The following NRG1 variants were observed in gnomAD, a reference collection of about 807,000 sequenced individuals.
The protein encoded by NRG1 is neuregulin 1, also known as pro-neuregulin-1, membrane-bound isoform.
In NRG1, 18 loss-of-function variants were observed where a neutral mutation model predicts 63.8. The ratio of observed to expected loss-of-function variants is 0.28; its 90% CI spans 0.19 to 0.42. The LOEUF is 0.42. Among genes scored for constraint, NRG1 ranks in the 10% least tolerant of loss-of-function variants. The pLI is 1.00. For missense variants in NRG1, 762 were observed against 814.7 expected, an observed-to-expected ratio of 0.94 and a Z score of 0.79; for synonymous variants, 302 against 301.3, an observed-to-expected ratio of 1.00 and a Z score of -0.02.
intron 5 of NRG1, among the ~76,000 whole-genome samples, chr8:32,618,634 G>A (rs140863602): frequency 3.3e-5 from 5 of 152,192 alleles, no homozygotes; most frequent in South Asian, 4.1e-4. Flanking sequence ...TCAGTCACCC[G>A]GGGTCATGGT....
At chr8:32,219,409 T>G (rs770118531) in intron 1 of NRG1, among the ~76,000 whole-genome samples, 1 of 152,230 alleles carries the variant, frequency 6.6e-6, no homozygotes, top group Non-Finnish European at 1.5e-5. Flanking sequence ...TTTCAAAATC[T>G]ATTGAAATGC....
intron 1 of NRG1, among the ~76,000 whole-genome samples, chr8:32,517,690 T>C (rs1267921235): frequency 6.6e-6 from 1 of 152,218 alleles, no homozygotes; most frequent in Non-Finnish European, 1.5e-5. Flanking sequence ...TATGAAGGGA[T>C]GTCCCATGTA....
chr8:31,775,039 T>C (rs1818983884), intron 1 of NRG1, among the ~76,000 whole-genome samples: 2 of 152,006 alleles, frequency 1.3e-5, no homozygotes, highest in African/African-American at 2.4e-5. Context: ...TGGAGATTTC[T>C]CAAAGAGCCA....
At chr8:32,480,745 A>G (rs988322915) in intron 1 of NRG1, among the ~76,000 whole-genome samples, 9 of 152,176 alleles carry the variant, frequency 5.9e-5, no homozygotes, top group Non-Finnish European at 7.3e-5. Flanking sequence ...GGGAGCCCAC[A>G]TATCAGATGG....
At chr8:32,500,437 C>T (rs571077324) in intron 1 of NRG1, among the ~76,000 whole-genome samples, 34 of 152,150 alleles carry the variant, frequency 2.2e-4, no homozygotes, top group Non-Finnish European at 2.4e-4. Context: ...TCTTACTTTT[C>T]CAAGGGAGCT....
At chr8:32,704,759 T>C (rs146837946) in intron 5 of NRG1, among the ~76,000 whole-genome samples, 2 of 152,338 alleles carry the variant, frequency 1.3e-5, no homozygotes, top group East Asian at 3.9e-4. Context: ...CACTAAAATG[T>C]AATGTTCCTC....
intron 5 of NRG1, among the ~76,000 whole-genome samples, chr8:32,707,466 T>C (rs1466339280): frequency 6.6e-6 from 1 of 152,046 alleles, no homozygotes; most frequent in Non-Finnish European, 1.5e-5. Context: ...AAAGAATCAG[T>C]CAGAGATTGT....
At chr8:32,398,689 A>G (rs182778265) in intron 1 of NRG1, among the ~76,000 whole-genome samples, 41 of 152,220 alleles carry the variant, frequency 2.7e-4, no homozygotes, top group African/African-American at 9.4e-4. Context: ...GGGATTAATT[A>G]CAGGTGTGAG....
intron 1 of NRG1, among the ~76,000 whole-genome samples, chr8:32,160,309 G>A (rs1182033490): frequency 6.6e-6 from 1 of 152,216 alleles, no homozygotes; most frequent in Non-Finnish European, 1.5e-5. Flanking sequence ...GATATTGATT[G>A]ATAATTGATG....
At chr8:31,659,223 A>G (rs530773608) in intron 1 of NRG1, among the ~76,000 whole-genome samples, 1 of 152,276 alleles carries the variant, frequency 6.6e-6, no homozygotes, top group Non-Finnish European at 1.5e-5. Flanking sequence ...AACACCATGC[A>G]TTTGTGGTGG....
intron 1 of NRG1, among the ~76,000 whole-genome samples, chr8:31,752,841 A>C (rs950124287): frequency 6.6e-6 from 1 of 152,048 alleles, no homozygotes. Context: ...AAATGAAGTA[A>C]TGTCTGTAAA....
At chr8:31,804,420 T>C (rs894918039) in intron 1 of NRG1, among the ~76,000 whole-genome samples, 1 of 152,164 alleles carries the variant, frequency 6.6e-6, no homozygotes, top group Admixed American at 6.5e-5. Flanking sequence ...TAGGCATTTT[T>C]TCTGTCCATC....
chr8:32,604,466 T>C (rs1256908430), intron 2 of NRG1, among the ~76,000 whole-genome samples: 1 of 152,156 alleles, frequency 6.6e-6, no homozygotes, highest in Non-Finnish European at 1.5e-5. Context: ...CCAGAAGGAT[T>C]ACTGTTGTTT....
intron 1 of NRG1, among the ~76,000 whole-genome samples, chr8:31,909,037 C>T (rs1437469938): frequency 6.6e-6 from 1 of 152,148 alleles, no homozygotes; most frequent in South Asian, 2.1e-4. Flanking sequence ...ACCCAAACTT[C>T]AACTGTAGGT....
At position 32,741,996 on chromosome 8, in the gene NRG1, T is replaced by G. The variant is rs1445380270; in HGVS notation, c.633-679T>G. ...GCATTTTTTTTTTGCTTACCACATT[T>G]TTGCCCTCTAGGTGCCAACCTGGAT... On this transcript the variant is annotated intron_variant, in intron 6 of 11. Coordinates refer to ENST00000356819, the Ensembl canonical transcript of NRG1. 3.1e-6 allele frequency: 5 copies of G among 1,612,530 alleles called. No homozygotes were observed. The highest frequency in any genetic ancestry group is 4.2e-6 in the Non-Finnish European group (5 of 1,178,820).
chr8:32,567,944 T>C (rs1429590852), intron 1 of NRG1, among the ~76,000 whole-genome samples: 2 of 152,242 alleles, frequency 1.3e-5, no homozygotes, highest in Non-Finnish European at 2.9e-5. Context: ...GAAGAACAGC[T>C]GCAGAATGCA....
intron 1 of NRG1, among the ~76,000 whole-genome samples, chr8:32,042,878 A>G (rs2130701521): frequency 6.6e-6 from 1 of 152,152 alleles, no homozygotes; most frequent in East Asian, 1.9e-4. Flanking sequence ...AAAAAAAATG[A>G]ACATAGCTTC....
chr8:32,749,612 C>G, intron 7 of NRG1: 3 of 1,611,052 alleles, frequency 1.9e-6, no homozygotes, highest in Non-Finnish European at 2.5e-6. Flanking sequence ...TTCCTTTTAG[C>G]CTGCAGAATT....
intron 1 of NRG1, among the ~76,000 whole-genome samples, chr8:31,916,411 G>A (rs1036193402): frequency 6.6e-6 from 1 of 151,946 alleles, no homozygotes; most frequent in Non-Finnish European, 1.5e-5. Context: ...GTGTCCCTGT[G>A]TTCTCATTGT....
Sources: gnomAD v4.1 joint callset for allele counts (sites outside exome capture counted in the v4.1 genomes callset) on GRCh38, gnomAD v4.1.1 for gene constraint, MANE v1.5 for transcripts, NCBI Gene and HGNC (gene_info 2026-07-23, HGNC 2026-07-21) for gene names.